NUDCD1: variants seen among roughly 807,000 people sequenced by gnomAD.
The protein encoded by NUDCD1 is NudC domain containing 1, also known as nudC domain-containing protein 1.
Under a neutral mutation model 67.8 loss-of-function variants are expected in NUDCD1, and 60 were observed. The observed-to-expected ratio is 0.88, with a 90% CI of 0.72 to 1.10. The LOEUF (loss-of-function observed/expected upper bound fraction) is 1.10, where lower values mean the gene tolerates loss of function less well. Ranked by LOEUF, NUDCD1 falls within the 50% of genes least tolerant of loss-of-function variation. The probability of loss-of-function intolerance (pLI) is 0.00; values close to 1 mark genes in which losing one functional copy is unlikely to be tolerated. For missense variants in NUDCD1, 643 were observed against 695.0 expected (o/e 0.93, Z 0.84); for synonymous variants, 244 against 230.8 (o/e 1.06, Z -0.52).
At chr8:109,333,856 A>T (rs1034458029) in intron 1 of NUDCD1, 37 bp downstream of exon 1, 4 of 1,610,044 alleles carry the variant, frequency 2.5e-6, no homozygotes, top group Non-Finnish European at 3.4e-6. Flanking sequence ...CCGAAAGGGG[A>T]AAGGAACGGA....
At chr8:109,274,518 T>G (rs1814232041) in intron 7 of NUDCD1, among the ~76,000 whole-genome samples, 1 of 152,152 alleles carries the variant, frequency 6.6e-6, no homozygotes, top group African/African-American at 2.4e-5. Flanking sequence ...AAATCAAAGT[T>G]TTGCAGTCCT....
intron 5 of NUDCD1, among the ~76,000 whole-genome samples, chr8:109,287,358 T>C (rs1814600030): frequency 6.6e-6 from 1 of 152,174 alleles, no homozygotes; most frequent in Admixed American, 6.6e-5. Flanking sequence ...ACAGCACTAT[T>C]CACCACAGTA....
At chr8:109,309,778 A>G (rs1815199087) in intron 2 of NUDCD1, among the ~76,000 whole-genome samples, 1 of 152,152 alleles carries the variant, frequency 6.6e-6, no homozygotes. Context: ...TACAAACTTA[A>G]TATACATAAA....
chr8:109,294,340 A>G (rs891584674), intron 3 of NUDCD1, among the ~76,000 whole-genome samples: 4 of 152,120 alleles, frequency 2.6e-5, no homozygotes, highest in African/African-American at 9.6e-5. Context: ...CAAGTTCCCT[A>G]TGTATTTGAA....
At chr8:109,331,731 A>T (rs1457462807) in intron 1 of NUDCD1, among the ~76,000 whole-genome samples, 1 of 152,154 alleles carries the variant, frequency 6.6e-6, no homozygotes, top group Non-Finnish European at 1.5e-5. Flanking sequence ...GTTTATGAAA[A>T]GATAGATGAG....
intron 5 of NUDCD1, among the ~76,000 whole-genome samples, chr8:109,286,729 T>G (rs1814582767): frequency 6.6e-6 from 1 of 152,014 alleles, no homozygotes; most frequent in South Asian, 2.1e-4. Context: ...GAGAATGAAT[T>G]ATGACTAAGT....
intron 5 of NUDCD1, among the ~76,000 whole-genome samples, chr8:109,283,989 T>TAAAAAAAAAA (rs58089818): frequency 7.5e-6 from 1 of 133,146 alleles, no homozygotes; most frequent in African/African-American, 2.9e-5. Flanking sequence ...AAAGCTGGAT[T>TAAAAAAAAAA]AAAAAAAAAA....
rs10105653 is a variant in NUDCD1 at position 109,284,003 on chromosome 8, A to G, written c.824-2831T>C. Reference sequence around the variant, plus strand: ...GAAAGCTGGATTAAAAAAAAAAAAAAAAAACAAAACAAAAACAAGGCCCAT... The same window carrying G: ...GAAAGCTGGATTAAAAAAAAAAAAAGAAAACAAAACAAAAACAAGGCCCAT... On this transcript the variant is annotated intron_variant, in intron 5 of 9. Transcript: ENST00000239690. Among the ~76,000 whole-genome samples the G allele has an allele frequency of 4.0e-5, 6 of 150,552 alleles. No homozygotes were observed. In the East Asian group the frequency reaches 9.8e-4, roughly 25 times the overall value.
chr8:109,251,299 A>C (rs1813618826), intron 8 of NUDCD1, among the ~76,000 whole-genome samples: 2 of 151,270 alleles, frequency 1.3e-5, no homozygotes, highest in South Asian at 4.2e-4. Flanking sequence ...CAGTCTCTCG[A>C]GTAGCGGGGA....
intron 8 of NUDCD1, among the ~76,000 whole-genome samples, chr8:109,258,204 T>C (rs1442814024): frequency 6.6e-6 from 1 of 152,116 alleles, no homozygotes. Flanking sequence ...TTGCATATGG[T>C]ATGATGTAAA....
intron 8 of NUDCD1, among the ~76,000 whole-genome samples, chr8:109,256,094 C>T (rs981812245): frequency 3.9e-5 from 6 of 152,066 alleles, no homozygotes; most frequent in Non-Finnish European, 8.8e-5. Context: ...ACCTGTGGTC[C>T]CAGCTACTCA....
chr8:109,279,775 G>C (rs1224926127), intron 6 of NUDCD1, among the ~76,000 whole-genome samples: 1 of 152,094 alleles, frequency 6.6e-6, no homozygotes, highest in Admixed American at 6.5e-5. Flanking sequence ...GGGATTACAG[G>C]CACCCGCCAC....
intron 9 of NUDCD1, among the ~76,000 whole-genome samples, chr8:109,244,712 A>G (rs1296533930): frequency 6.6e-6 from 1 of 152,212 alleles, no homozygotes; most frequent in Non-Finnish European, 1.5e-5. Flanking sequence ...ACACAATACT[A>G]ATGCATTTTG....
rs148061249 is a variant in NUDCD1, at chr8:109,291,343, C to T, written c.641-1410G>A. Among the ~76,000 whole-genome samples the T allele has an allele frequency of 4.0e-3, 604 of 152,242 alleles. 3 individuals carry two copies. The highest frequency in any genetic ancestry group is 0.031 in the Middle Eastern group (9 of 294). Reference sequence around the variant, plus strand: ...TAATTTTTGTAGAGACGGTGGCTCACTATGTTGCCCAGACTGGTCTCAAAC... The same window carrying T: ...TAATTTTTGTAGAGACGGTGGCTCATTATGTTGCCCAGACTGGTCTCAAAC... On this transcript the variant is annotated intron_variant, in intron 4 of 9. Transcript: ENST00000239690.
intron 2 of NUDCD1, among the ~76,000 whole-genome samples, chr8:109,314,051 AAT>A (rs1815327149): frequency 1.3e-5 from 2 of 152,176 alleles, no homozygotes; most frequent in East Asian, 3.8e-4. Flanking sequence ...TAAGCAATAA[AAT>A]ATCTTTTTCT....
chr8:109,318,236 T>A (rs1815448826), intron 2 of NUDCD1, among the ~76,000 whole-genome samples: 1 of 152,186 alleles, frequency 6.6e-6, no homozygotes, highest in Admixed American at 6.5e-5. Context: ...GTAAAATAGA[T>A]TATGAATATG....
At chr8:109,244,853 A>T (rs1813457549) in intron 9 of NUDCD1, among the ~76,000 whole-genome samples, 1 of 152,126 alleles carries the variant, frequency 6.6e-6, no homozygotes, top group Non-Finnish European at 1.5e-5. Flanking sequence ...CGCTTTCCAT[A>T]AGTATTTTCA....
intron 8 of NUDCD1, among the ~76,000 whole-genome samples, chr8:109,259,689 T>G (rs1813822580): frequency 6.6e-6 from 1 of 152,190 alleles, no homozygotes; most frequent in Non-Finnish European, 1.5e-5. Context: ...GCTAACTCTC[T>G]TCCAGAAGAA....
chr8:109,254,560 C>A lies in NUDCD1; in HGVS notation c.1300-9079G>T, dbSNP rs1813686710. ...GGCAATAAAATATACTTCCACATTT[C>A]TTATCTTATGTTTACTCTAGAAAAG... On this transcript the variant is annotated intron_variant, in intron 8 of 9. Coordinates refer to ENST00000239690, the MANE Select transcript of NUDCD1 (RefSeq NM_032869.4). Among the ~76,000 whole-genome samples, 2 of 152,020 alleles carry A rather than the reference C, an allele frequency of 1.3e-5. 1 individual carries two copies. The highest frequency in any genetic ancestry group is 4.1e-4 in the South Asian group (2 of 4,826).
Sources: allele counts gnomAD v4.1 joint callset (sites outside exome capture counted in the v4.1 genomes callset), GRCh38; gene constraint gnomAD v4.1.1; transcripts MANE v1.5; gene names NCBI Gene and HGNC (gene_info 2026-07-23, HGNC 2026-07-21).